The following RIMS1 variants were observed in gnomAD, a reference collection of about 807,000 sequenced individuals.
RIMS1 encodes regulating synaptic membrane exocytosis protein 1.
In RIMS1, 83 loss-of-function variants were observed where a neutral mutation model predicts 214.1. The ratio of observed to expected loss-of-function variants is 0.39; its 90% CI spans 0.32 to 0.47. RIMS1 has a LOEUF of 0.47. Ranked by LOEUF, RIMS1 falls within the 20% of genes least tolerant of loss-of-function variation. The pLI is 0.99. For missense variants in RIMS1, 2,050 were observed against 2,161.8 expected (o/e 0.95, Z 1.03); for synonymous variants, 793 against 786.8 (o/e 1.01, Z -0.13).
chr6:72,123,245 G>A (rs1293474543), intron 4 of RIMS1, among the ~76,000 whole-genome samples: 1 of 151,826 alleles, frequency 6.6e-6, no homozygotes, highest in East Asian at 1.9e-4. Context: ...TAATCATTCA[G>A]GAGCAGGTTG....
intron 6 of RIMS1, among the ~76,000 whole-genome samples, chr6:72,203,590 AG>A (rs1235561751): frequency 2.0e-5 from 3 of 152,090 alleles, no homozygotes; most frequent in African/African-American, 7.2e-5. Flanking sequence ...ACAGAAGGAG[AG>A]GGTTGGATTA....
chr6:72,195,626 C>T (rs1027298296), intron 6 of RIMS1, among the ~76,000 whole-genome samples: 15 of 152,050 alleles, frequency 9.9e-5, no homozygotes, highest in Non-Finnish European at 1.8e-4. Flanking sequence ...TTAAATGTAA[C>T]TTATGCAATG....
intron 6 of RIMS1, among the ~76,000 whole-genome samples, chr6:72,189,758 C>T (rs2049756308): frequency 6.6e-6 from 1 of 152,236 alleles, no homozygotes; most frequent in Admixed American, 6.5e-5. Flanking sequence ...GCCACCATGG[C>T]CACTGTGTTC....
intron 1 of RIMS1, among the ~76,000 whole-genome samples, chr6:71,928,933 A>G (rs914685066): frequency 6.6e-6 from 1 of 152,154 alleles, no homozygotes; most frequent in Non-Finnish European, 1.5e-5. Flanking sequence ...AAATCTCAAA[A>G]GAAAAATTTT....
At chr6:72,380,491 G>A (rs533626101) in intron 29 of RIMS1, among the ~76,000 whole-genome samples, 28 of 152,200 alleles carry the variant, frequency 1.8e-4, no homozygotes, top group Non-Finnish European at 3.5e-4. Flanking sequence ...GTGGTAGACA[G>A]TAAGGAGATA....
intron 22 of RIMS1, chr6:72,266,271 A>G: frequency 1.8e-6 from 1 of 557,184 alleles, no homozygotes; most frequent in Non-Finnish European, 3.2e-6. Context: ...TGTTGTTGCA[A>G]ATGGCGTGGT....
At chr6:72,302,261 T>C (rs1475094783) in intron 26 of RIMS1, among the ~76,000 whole-genome samples, 1 of 151,560 alleles carries the variant, frequency 6.6e-6, no homozygotes, top group African/African-American at 2.4e-5. Context: ...GCAGAATGCT[T>C]ATCCATATAA....
rs2076649153 is a variant in RIMS1 at position 72,258,191 on chromosome 6, C to T, written c.2837C>T (p.Thr946Ile). 1 of 1,613,348 alleles carries T rather than the reference C, an allele frequency of 6.2e-7. No homozygotes were observed. The highest frequency in any genetic ancestry group is 8.5e-7 in the Non-Finnish European group (1 of 1,179,556). The change falls in exon 17 of 34, where the codon ACA becomes ATA. Residue 946 changes from threonine to isoleucine, a missense_variant. Thr to Ile is a moderately conservative substitution (Grantham distance 89). Transcript: ENST00000521978. ...TTAACTGTGCCAGAACAGCAAAGAA[C>T]AACTCATCACCGCTCACGTTCAGTA... ...TTLTVPEQQRTTHHRSRSVSP... is the reference protein window; with the variant it reads ...TTLTVPEQQRITHHRSRSVSP...
intron 22 of RIMS1, among the ~76,000 whole-genome samples, chr6:72,269,488 G>A (rs2082049801): frequency 6.6e-6 from 1 of 152,166 alleles, no homozygotes; most frequent in East Asian, 1.9e-4. Context: ...TGATTGACCA[G>A]ACCCTGTCAG....
chr6:71,936,029 G>A, intron 1 of RIMS1, among the ~76,000 whole-genome samples: 1 of 152,162 alleles, frequency 6.6e-6, no homozygotes, highest in East Asian at 1.9e-4. Context: ...TTTGGGCGCT[G>A]ATAGAACACA....
At chr6:72,258,562 A>T (rs2076802391) in intron 17 of RIMS1, among the ~76,000 whole-genome samples, 1 of 152,162 alleles carries the variant, frequency 6.6e-6, no homozygotes, top group Non-Finnish European at 1.5e-5. Context: ...CTTGTTAGAA[A>T]AAAATGGTAA....
At chr6:72,136,720 A>G (rs2041343125) in intron 4 of RIMS1, among the ~76,000 whole-genome samples, 1 of 152,150 alleles carries the variant, frequency 6.6e-6, no homozygotes, top group Non-Finnish European at 1.5e-5. Context: ...CACCAAAAAA[A>G]TCTAACAACA....
intron 1 of RIMS1, among the ~76,000 whole-genome samples, chr6:71,890,596 A>AAAAAAACC (rs1554194854): frequency 8.9e-6 from 1 of 112,950 alleles, no homozygotes; most frequent in South Asian, 2.8e-4. Flanking sequence ...AAAAAAAAAA[A>AAAAAAACC]ACTTCATAGA....
chr6:71,941,121 T>A (rs1785984050), intron 1 of RIMS1, among the ~76,000 whole-genome samples: 1 of 152,164 alleles, frequency 6.6e-6, no homozygotes, highest in African/African-American at 2.4e-5. Context: ...TAGTTTTTTT[T>A]CACCCGGGCA....
chr6:71,986,378 T>C (rs1799975397), intron 2 of RIMS1, among the ~76,000 whole-genome samples: 2 of 152,092 alleles, frequency 1.3e-5, no homozygotes, highest in South Asian at 2.1e-4. Context: ...ATATTTCTGG[T>C]GGACAAAATC....
chr6:72,265,047 T>G lies in RIMS1; in HGVS notation c.3189T>G (p.Ile1063Met). The G allele has an allele frequency of 5.7e-6, 9 of 1,578,146 alleles. No individual in the cohort carries two copies. Among genetic ancestry groups the G allele is most frequent in the Non-Finnish European group, 7.8e-6 (9 of 1,155,356 alleles). ...PLLQSSSHWN[I>M]YSSILPAHTK... ...TACAGAGCAGTTCTCACTGGAATAT[T>G]TACAGGTAAGAGCCCTAACAGTGAG... Residue 1063 changes from isoleucine (I) to methionine (M), a missense_variant, in exon 20 of 34, where the codon ATT becomes ATG. Ile to Met is a conservative substitution (Grantham distance 10). Coordinates refer to ENST00000521978, the MANE Select transcript of RIMS1 (RefSeq NM_014989.7).
intron 4 of RIMS1, among the ~76,000 whole-genome samples, chr6:72,160,054 C>A (rs2153930342): frequency 8.0e-6 from 1 of 125,378 alleles, no homozygotes; most frequent in East Asian, 2.3e-4. Context: ...TTTGTATCCT[C>A]TTTTATTTCA....
intron 1 of RIMS1, among the ~76,000 whole-genome samples, chr6:71,941,845 G>A (rs556323378): frequency 6.6e-6 from 1 of 152,292 alleles, no homozygotes; most frequent in South Asian, 2.1e-4. Context: ...CCTAGGCTTC[G>A]TGATCTGGAA....
intron 2 of RIMS1, among the ~76,000 whole-genome samples, chr6:71,991,620 A>T (rs1230657942): frequency 6.6e-6 from 1 of 152,226 alleles, no homozygotes; most frequent in Non-Finnish European, 1.5e-5. Context: ...CTAGTGCTCA[A>T]ATGAAATGCA....
Sources: gnomAD v4.1 joint callset for allele counts (sites outside exome capture counted in the v4.1 genomes callset) on GRCh38, gnomAD v4.1.1 for gene constraint, MANE v1.5 for transcripts, NCBI Gene and HGNC (gene_info 2026-07-23, HGNC 2026-07-21) for gene names.